Variants in AK3 observed in about 807,000 individuals in gnomAD.
The protein encoded by AK3 is GTP:AMP phosphotransferase AK3, mitochondrial.
Under a neutral mutation model 23.7 loss-of-function variants are expected in AK3, and 27 were observed. The ratio of observed to expected loss-of-function variants is 1.14; its 90% CI spans 0.84 to 1.57. The LOEUF (loss-of-function observed/expected upper bound fraction) is 1.57, where lower values mean the gene tolerates loss of function less well. Among genes scored for constraint, AK3 ranks in the 40% most tolerant of loss-of-function variants. AK3 has a pLI of 0.00. For missense variants in AK3, 406 were observed against 285.6 expected (o/e 1.42, Z -3.04); for synonymous variants, 159 against 116.0 (o/e 1.37, Z -2.38).
At chr9:4,729,016 T>TATATATA (rs1554627058) in intron 1 of AK3, among the ~76,000 whole-genome samples, 3 of 57,274 alleles carry the variant, frequency 5.2e-5, no homozygotes, top group African/African-American at 2.1e-4. Flanking sequence ...TATATATATA[T>TATATATA]TTTTTTTTTT....
intron 1 of AK3, among the ~76,000 whole-genome samples, chr9:4,734,089 A>C (rs930752812): frequency 1.3e-5 from 2 of 152,198 alleles, no homozygotes; most frequent in African/African-American, 4.8e-5. Context: ...TAGGGCTTTA[A>C]AGGAGGTAAC....
At chr9:4,720,672 G>C (rs755380935) in intron 2 of AK3, among the ~76,000 whole-genome samples, 7 of 135,116 alleles carry the variant, frequency 5.2e-5, no homozygotes, top group Admixed American at 7.6e-5. Flanking sequence ...CCTGGTGACA[G>C]AGCAAGACAC....
rs1464300844 is a variant in AK3, at chr9:4,741,028, C to T, written c.60G>A (p.Lys20=). 6.3e-7 allele frequency: 1 copy of T among 1,584,806 alleles called. No individual in the cohort carries two copies. Among genetic ancestry groups the T allele is most frequent in the Non-Finnish European group, 8.6e-7 (1 of 1,167,882 alleles). ...TAGTGATGCGCGACGACACGGTGCC[C>T]TTGCCCGAGCCCGGGGCCCCCATGA... is the stretch of plus-strand genomic sequence containing the variant. The part of the protein sequence containing the change: ...AVIMGAPGSG[K]GTVSSRITTH... The change falls in exon 1 of 5, where the codon AAG becomes AAA. Residue 20 remains lysine (K), a synonymous_variant. Transcript: ENST00000381809.
chr9:4,738,923 C>T (rs1005394170), intron 1 of AK3, among the ~76,000 whole-genome samples: 9 of 151,972 alleles, frequency 5.9e-5, no homozygotes, highest in African/African-American at 2.2e-4. Context: ...AGGCGCGAGC[C>T]ACCATGCCCA....
At chr9:4,739,853 C>T (rs978533553) in intron 1 of AK3, among the ~76,000 whole-genome samples, 4 of 151,978 alleles carry the variant, frequency 2.6e-5, no homozygotes, top group African/African-American at 9.7e-5. Flanking sequence ...ATTGCTTGAA[C>T]CCAGGAGGCA....
intron 4 of AK3, among the ~76,000 whole-genome samples, chr9:4,713,593 C>T (rs1407215178): frequency 6.6e-6 from 1 of 151,990 alleles, no homozygotes; most frequent in Non-Finnish European, 1.5e-5. Context: ...AGTATCTTTC[C>T]TTTTTGCCCA....
At chr9:4,729,383 G>A (rs897538151) in intron 1 of AK3, among the ~76,000 whole-genome samples, 1 of 152,178 alleles carries the variant, frequency 6.6e-6, no homozygotes, top group African/African-American at 2.4e-5. Context: ...GGCTGAGGCA[G>A]GAGGCTGAGG....
chr9:4,729,660 C>G (rs1842109019), intron 1 of AK3, among the ~76,000 whole-genome samples: 1 of 151,758 alleles, frequency 6.6e-6, no homozygotes, highest in Non-Finnish European at 1.5e-5. Flanking sequence ...ACAGCAAGAT[C>G]CTACATCTAA....
intron 4 of AK3, 22 bp downstream of exon 4, chr9:4,718,397 G>C: frequency 1.3e-6 from 2 of 1,569,424 alleles, no homozygotes; most frequent in Non-Finnish European, 8.8e-7. Flanking sequence ...CGCAAGAGAA[G>C]TTCTGAAAAG....
intron 1 of AK3, among the ~76,000 whole-genome samples, chr9:4,738,024 A>C (rs1048510517): frequency 6.6e-6 from 1 of 152,244 alleles, no homozygotes; most frequent in South Asian, 2.1e-4. Context: ...CCATACTAGG[A>C]ATTTATTTGA....
chr9:4,741,343 C>CTCAA (rs1277017710), upstream of AK3: 6 of 109,392 alleles, frequency 5.5e-5, no homozygotes, highest in African/African-American at 2.1e-4. Context: ...CGCCCAGCCG[C>CTCAA]GCAAGCCGCG....
chr9:4,738,897 G>A (rs2130918420), intron 1 of AK3, among the ~76,000 whole-genome samples: 1 of 150,822 alleles, frequency 6.6e-6, no homozygotes, highest in African/African-American at 2.4e-5. Context: ...TCAGCCTCCA[G>A]AGAAGCTGGG....
chr9:4,741,337 C>CAGCCGCTCA (rs1554629224), upstream of AK3: 6 of 344,092 alleles, frequency 1.7e-5, no homozygotes, highest in East Asian at 2.7e-4. Context: ...TGTTCCCGCC[C>CAGCCGCTCA]AGCCGCGCAA....
intron 1 of AK3, among the ~76,000 whole-genome samples, chr9:4,735,840 T>G (rs1186146887): frequency 6.6e-6 from 1 of 151,776 alleles, no homozygotes; most frequent in African/African-American, 2.4e-5. Flanking sequence ...GAAGGCCAGG[T>G]GCAGTAGCTC....
intron 1 of AK3, among the ~76,000 whole-genome samples, chr9:4,727,489 A>G (rs1046649591): frequency 1.5e-4 from 23 of 152,164 alleles, no homozygotes; most frequent in African/African-American, 5.6e-4. Context: ...GCTAGCTTCA[A>G]ATTTTTATTC....
chr9:4,718,533 A>G lies in AK3; in HGVS notation c.449T>C (p.Ile150Thr). Residue 150 changes from isoleucine (I) to threonine (T), a missense_variant, in exon 4 of 5, where the codon ATT becomes ACT. Transcript: ENST00000381809. ...GAGAGGCTCCCCAGTCAGGTCATCA[A>G]TGCCCTAAACAGGATTAGAAGAGAC... is the stretch of plus-strand genomic sequence containing the variant. ...IEFNPPKTVG[I>T]DDLTGEPLIQ... is the part of the protein sequence containing the mutation. 1 of 1,609,400 alleles carries G rather than the reference A, an allele frequency of 6.2e-7. No homozygotes were observed. The highest frequency in any genetic ancestry group is 8.5e-7 in the Non-Finnish European group (1 of 1,175,910).
chr9:4,730,680 T>A (rs1328550361), intron 1 of AK3, among the ~76,000 whole-genome samples: 3 of 152,228 alleles, frequency 2.0e-5, no homozygotes, highest in African/African-American at 7.2e-5. Flanking sequence ...ATGTGTAGTC[T>A]AATAATCTGT....
At chr9:4,722,073 T>C (rs952833925) in intron 2 of AK3, among the ~76,000 whole-genome samples, 4 of 152,172 alleles carry the variant, frequency 2.6e-5, no homozygotes, top group Non-Finnish European at 5.9e-5. Flanking sequence ...TTATCCCAGT[T>C]TTAGTGAGAG....
At chr9:4,724,432 T>G (rs1841974861) in intron 1 of AK3, among the ~76,000 whole-genome samples, 1 of 152,134 alleles carries the variant, frequency 6.6e-6, no homozygotes, top group African/African-American at 2.4e-5. Flanking sequence ...ATTTTATCAG[T>G]ATATGAATAG....
Sources: gnomAD v4.1 joint callset for allele counts (sites outside exome capture counted in the v4.1 genomes callset) on GRCh38, gnomAD v4.1.1 for gene constraint, MANE v1.5 for transcripts, NCBI Gene and HGNC (gene_info 2026-07-23, HGNC 2026-07-21) for gene names.